The following RBFOX1 variants were observed in gnomAD, a reference collection of about 807,000 sequenced individuals.
RBFOX1 encodes RNA binding protein fox-1 homolog 1.
RBFOX1 carries 8 observed loss-of-function variants against 57.7 expected under a neutral mutation model. The observed-to-expected ratio is 0.14, with a 90% confidence interval of 0.08 to 0.25. The LOEUF (loss-of-function observed/expected upper bound fraction) is 0.25, where lower values mean the gene tolerates loss of function less well. Among genes scored for constraint, RBFOX1 ranks in the 10% least tolerant of loss-of-function variants. RBFOX1 has a pLI of 1.00. For missense variants in RBFOX1, 611 were observed against 548.5 expected (o/e 1.11, Z -1.14); for synonymous variants, 326 against 222.4 (o/e 1.47, Z -4.15).
intron 1 of RBFOX1, among the ~76,000 whole-genome samples, chr16:6,066,218 G>C (rs11647683): frequency 0.23 from 34,184 of 146,926 alleles, 4,975 homozygotes; most frequent in Non-Finnish European, 0.32. Context: ...TGCTTGAACT[G>C]GGGGGGTTGG....
rs910334947 is a variant in RBFOX1 at position 7,026,428 on chromosome 16, C to T, written c.-15-25629C>T. On this transcript the variant is annotated intron_variant, in intron 3 of 15. Transcript: ENST00000550418. ...AAAGAACAGTTGAGGGCAGCACTTA[C>T]ATTTCTGAATATTTAGACTCTTTTT... 5.9e-5 allele frequency among the ~76,000 whole-genome samples: 9 copies of T among 152,198 alleles called. No individual in the cohort carries two copies. The South Asian group carries it at 1.4e-3, about 24-fold the overall frequency.
intron 3 of RBFOX1, among the ~76,000 whole-genome samples, chr16:6,910,579 C>G (rs972992699): frequency 3.3e-5 from 5 of 152,148 alleles, no homozygotes; most frequent in African/African-American, 1.2e-4. Flanking sequence ...AAATCAAAGC[C>G]TCAGCAGGGC....
At chr16:5,634,726 C>T (rs2048627171) in intron 3 of RBFOX1, among the ~76,000 whole-genome samples, 1 of 152,172 alleles carries the variant, frequency 6.6e-6, no homozygotes, top group South Asian at 2.1e-4. Flanking sequence ...CAGGGCCCAC[C>T]AGCGTATTCT....
chr16:6,083,279 A>C (rs556953905), intron 1 of RBFOX1, among the ~76,000 whole-genome samples: 62 of 152,294 alleles, frequency 4.1e-4, no homozygotes, highest in African/African-American at 1.4e-3. Context: ...CTAGGATTAC[A>C]GGCGTGAGCT....
At chr16:7,243,298 C>G (rs1445484479) in intron 4 of RBFOX1, among the ~76,000 whole-genome samples, 2 of 152,138 alleles carry the variant, frequency 1.3e-5, no homozygotes, top group African/African-American at 2.4e-5. Flanking sequence ...TGCCACGTGA[C>G]AGCTGTGTGA....
intron 3 of RBFOX1, among the ~76,000 whole-genome samples, chr16:6,827,924 C>A (rs1028482078): frequency 6.6e-6 from 1 of 152,172 alleles, no homozygotes; most frequent in Non-Finnish European, 1.5e-5. Flanking sequence ...CATTTGTAAG[C>A]AGTTTTGATT....
intron 3 of RBFOX1, among the ~76,000 whole-genome samples, chr16:5,862,549 G>C (rs897728277): frequency 1.3e-5 from 2 of 152,198 alleles, no homozygotes; most frequent in African/African-American, 4.8e-5. Flanking sequence ...CACCCACTGC[G>C]TGTCAGGGTT....
At chr16:5,905,976 G>A (rs539898604) in intron 4 of RBFOX1, among the ~76,000 whole-genome samples, 1 of 152,300 alleles carries the variant, frequency 6.6e-6, no homozygotes, top group East Asian at 1.9e-4. Flanking sequence ...CCTACCTTAG[G>A]ATGTGGTTTT....
intron 4 of RBFOX1, among the ~76,000 whole-genome samples, chr16:7,330,575 A>G (rs72769284): frequency 0.011 from 1,677 of 150,510 alleles, 19 homozygotes; most frequent in Middle Eastern, 0.034. Flanking sequence ...ATGGATCACT[A>G]TCTTCTCTGC....
intron 3 of RBFOX1, among the ~76,000 whole-genome samples, chr16:6,737,541 G>C (rs2070748103): frequency 6.6e-6 from 1 of 152,168 alleles, no homozygotes; most frequent in African/African-American, 2.4e-5. Flanking sequence ...AGTCATTGCT[G>C]CTCAACATCA....
chr16:7,340,406 C>T (rs574318377), intron 4 of RBFOX1, among the ~76,000 whole-genome samples: 94 of 152,326 alleles, frequency 6.2e-4, no homozygotes, highest in Middle Eastern at 3.4e-3. Flanking sequence ...CACTTGGCTT[C>T]TCCATTCATG....
At chr16:7,105,868 C>G (rs572245772) in intron 4 of RBFOX1, among the ~76,000 whole-genome samples, 3 of 152,028 alleles carry the variant, frequency 2.0e-5, no homozygotes, top group Non-Finnish European at 2.9e-5. Flanking sequence ...ACCATCTGAT[C>G]TGAGAATGGA....
intron 3 of RBFOX1, among the ~76,000 whole-genome samples, chr16:6,797,409 GGAGA>G (rs1829083620): frequency 1.3e-5 from 2 of 152,060 alleles, no homozygotes; most frequent in South Asian, 2.1e-4. Flanking sequence ...AGAGAAAGGG[GGAGA>G]GAGATAGAGT....
At chr16:5,988,512 G>A (rs1473779864) in intron 4 of RBFOX1, among the ~76,000 whole-genome samples, 1 of 152,162 alleles carries the variant, frequency 6.6e-6, no homozygotes, top group African/African-American at 2.4e-5. Flanking sequence ...AGTTCCCAGA[G>A]GAAGGAGGGT....
intron 3 of RBFOX1, among the ~76,000 whole-genome samples, chr16:6,939,942 A>G (rs2078066631): frequency 6.6e-6 from 1 of 152,252 alleles, no homozygotes; most frequent in South Asian, 2.1e-4. Flanking sequence ...TTTAAATGAT[A>G]TAGCAGGAAT....
At chr16:5,849,670 C>A (rs2151861904) in intron 3 of RBFOX1, among the ~76,000 whole-genome samples, 1 of 152,282 alleles carries the variant, frequency 6.6e-6, no homozygotes, top group Admixed American at 6.5e-5. Context: ...TGTTGCGTGG[C>A]CCCCTCACTC....
chr16:7,666,106 C>A lies in RBFOX1; in HGVS notation c.930+1138C>A, dbSNP rs531179006. 5.3e-5 allele frequency among the ~76,000 whole-genome samples: 8 copies of A among 152,210 alleles called. No homozygotes were observed. The South Asian group carries it at 1.0e-3, about 20-fold the overall frequency. On this transcript the variant is annotated intron_variant, in intron 13 of 15. Transcript: ENST00000550418. ...GAACTTAAGCTTTTCTGTCTCATGT[C>A]CTCTTTTTTCAGACTTTCAGATTTT...
At chr16:6,698,291 C>A (rs2061343862) in intron 3 of RBFOX1, among the ~76,000 whole-genome samples, 1 of 152,126 alleles carries the variant, frequency 6.6e-6, no homozygotes, top group African/African-American at 2.4e-5. Flanking sequence ...TCTATTTGTA[C>A]ATCTAAACCA....
chr16:6,918,817 G>A lies in RBFOX1; in HGVS notation c.-15-133240G>A, dbSNP rs149220310. Reference sequence around the variant, plus strand: ...AGGAGCATTGAGCAGAAGCGCACTCGTTAATAAACAAGTATTTTCAGTGCA... The same window carrying A: ...AGGAGCATTGAGCAGAAGCGCACTCATTAATAAACAAGTATTTTCAGTGCA... On this transcript the variant is annotated intron_variant, in intron 3 of 15. Transcript: ENST00000550418. 8.3e-3 allele frequency among the ~76,000 whole-genome samples: 1,264 copies of A among 152,156 alleles called. 17 individuals are homozygous for A. The highest frequency in any genetic ancestry group is 0.013 in the Non-Finnish European group (860 of 68,024).
Sources: allele counts gnomAD v4.1 joint callset (sites outside exome capture counted in the v4.1 genomes callset), GRCh38; gene constraint gnomAD v4.1.1; transcripts MANE v1.5; gene names NCBI Gene and HGNC (gene_info 2026-07-23, HGNC 2026-07-21).